ASXL2: variants seen among roughly 807,000 people sequenced by gnomAD.
The protein encoded by ASXL2 is putative Polycomb group protein ASXL2.
A neutral mutation model predicts 122.0 loss-of-function variants in ASXL2; 23 were observed. The observed-to-expected ratio is 0.19, with a 90% CI of 0.14 to 0.27. The LOEUF (loss-of-function observed/expected upper bound fraction) is 0.27. Among genes scored for constraint, ASXL2 ranks in the 10% least tolerant of loss-of-function variants. The pLI is 1.00. For missense variants in ASXL2, 1,518 were observed against 1,713.8 expected, an observed-to-expected ratio of 0.89 and a Z score of 2.02; for synonymous variants, 650 against 637.0, an observed-to-expected ratio of 1.02 and a Z score of -0.31.
At chr2:25,875,421 T>C (rs2090002168) in intron 1 of ASXL2, among the ~76,000 whole-genome samples, 1 of 152,036 alleles carries the variant, frequency 6.6e-6, no homozygotes, top group African/African-American at 2.4e-5. Context: ...TGCACCACGA[T>C]CATACCTGTG....
At chr2:25,833,020 A>AGG (rs886651267) in intron 3 of ASXL2, among the ~76,000 whole-genome samples, 2 of 152,168 alleles carry the variant, frequency 1.3e-5, no homozygotes, top group African/African-American at 4.8e-5. Flanking sequence ...AGTATAAGGA[A>AGG]GGGGGGCAAG....
intron 8 of ASXL2, among the ~76,000 whole-genome samples, chr2:25,763,941 A>C (rs1296363440): frequency 6.6e-6 from 1 of 152,228 alleles, no homozygotes; most frequent in Non-Finnish European, 1.5e-5. Flanking sequence ...TCATAACAAA[A>C]AGATAAACAA....
At chr2:25,870,465 A>G (rs1200242284) in intron 1 of ASXL2, among the ~76,000 whole-genome samples, 1 of 152,224 alleles carries the variant, frequency 6.6e-6, no homozygotes, top group Non-Finnish European at 1.5e-5. Flanking sequence ...CGGAGGTTGC[A>G]GTGAGCCAAG....
Position 25,864,346 on chromosome 2 carries a change from G to C in ASXL2, c.57+13820C>G, listed in dbSNP as rs939559356. The stretch of plus-strand genomic sequence containing the variant: ...TTTAAGATTATTCTAACAAAAACAG[G>C]GTGGTCAGATGGATTGGAGAGAGCT... On this transcript the variant is annotated intron_variant, in intron 1 of 12. Coordinates refer to ENST00000435504, the MANE Select transcript of ASXL2 (RefSeq NM_018263.6). 5.9e-5 allele frequency among the ~76,000 whole-genome samples: 9 copies of C among 152,094 alleles called. No individual in the cohort carries two copies. The East Asian group carries it at 1.7e-3, about 29-fold the overall frequency.
intron 2 of ASXL2, among the ~76,000 whole-genome samples, chr2:25,841,951 A>G (rs1165807943): frequency 1.1e-4 from 16 of 151,394 alleles, no homozygotes; most frequent in Non-Finnish European, 1.8e-4. Flanking sequence ...TGTCTCAAAA[A>G]AAAAAAAAAA....
intron 1 of ASXL2, among the ~76,000 whole-genome samples, chr2:25,854,069 AC>A: frequency 6.6e-6 from 1 of 152,308 alleles, no homozygotes; most frequent in East Asian, 1.9e-4. Context: ...AGAGAAGATT[AC>A]AGAAGCTGAC....
At position 25,742,244 on chromosome 2, in the gene ASXL2, T is replaced by C; in HGVS notation, c.4093A>G (p.Thr1365Ala). The C allele has an allele frequency of 6.2e-7, 1 of 1,613,982 alleles. No individual in the cohort carries two copies. ...GDVMSFSVTV[T>A]TIPASQAMNP... Reference sequence around the variant, plus strand: ...ATAGCTTGGCTAGCAGGGATGGTAGTGACAGTCACTGAAAATGACATGACA... The same window carrying C: ...ATAGCTTGGCTAGCAGGGATGGTAGCGACAGTCACTGAAAATGACATGACA... Residue 1365 changes from threonine to alanine, a missense_variant, in exon 13 of 13, where the codon ACT (threonine) becomes GCT (alanine). This residue lies in a region of ASXL2 where 831 missense variants were observed against 833.1 expected (regional missense o/e 1.00). Coordinates refer to ENST00000435504, the MANE Select transcript of ASXL2 (RefSeq NM_018263.6).
At chr2:25,808,224 C>T (rs1481008616) in intron 3 of ASXL2, among the ~76,000 whole-genome samples, 2 of 152,142 alleles carry the variant, frequency 1.3e-5, no homozygotes, top group East Asian at 3.8e-4. Context: ...AAGGAAAAAT[C>T]TGGAATTAGA....
intron 3 of ASXL2, among the ~76,000 whole-genome samples, chr2:25,832,042 A>G (rs1039669354): frequency 1.2e-4 from 18 of 152,262 alleles, no homozygotes; most frequent in African/African-American, 4.3e-4. Flanking sequence ...TAAGAGAAGT[A>G]GAACTATTCT....
chr2:25,800,696 G>T (rs1010556813), intron 4 of ASXL2, among the ~76,000 whole-genome samples: 4 of 152,068 alleles, frequency 2.6e-5, no homozygotes, highest in African/African-American at 9.7e-5. Context: ...TCTCCTAATT[G>T]TGCAGTTAAA....
chr2:25,800,915 G>C (rs933622901), intron 4 of ASXL2, among the ~76,000 whole-genome samples: 3 of 152,094 alleles, frequency 2.0e-5, no homozygotes, highest in Non-Finnish European at 4.4e-5. Flanking sequence ...AAACACACTA[G>C]TGAGTGTTTG....
chr2:25,877,902 G>C (rs992738211), intron 1 of ASXL2, among the ~76,000 whole-genome samples: 1 of 152,200 alleles, frequency 6.6e-6, no homozygotes, highest in Non-Finnish European at 1.5e-5. Flanking sequence ...GGTGATATCG[G>C]CTCGACCCCA....
At chr2:25,800,787 A>G (rs1470254933) in intron 4 of ASXL2, among the ~76,000 whole-genome samples, 1 of 152,242 alleles carries the variant, frequency 6.6e-6, no homozygotes, top group Non-Finnish European at 1.5e-5. Flanking sequence ...TTCTTCAATT[A>G]GCTCAAGTTA....
intron 5 of ASXL2, among the ~76,000 whole-genome samples, chr2:25,772,553 GA>G (rs1266042802): frequency 1.3e-5 from 2 of 151,924 alleles, no homozygotes; most frequent in East Asian, 3.9e-4. Context: ...CCAACATGGA[GA>G]AACCCTATCT....
At chr2:25,807,503 G>A (rs568821291) in intron 3 of ASXL2, among the ~76,000 whole-genome samples, 15 of 152,126 alleles carry the variant, frequency 9.9e-5, no homozygotes, top group Non-Finnish European at 1.9e-4. Flanking sequence ...CCATAGCTAC[G>A]TTTATCTGAT....
chr2:25,749,990 A>G lies in ASXL2; in HGVS notation c.1566T>C (p.Val522=). The part of the protein sequence containing the change: ...YNKSESQESL[V]TSPSKPKSPG... ...GACTCTTGGGTTTGCTTGGCGATGT[A>G]ACTAAAGATTCTTGGCTTTCACTTT... Residue 522 remains valine, a synonymous_variant, in exon 12 of 13, where the codon GTT becomes GTC. Coordinates refer to ENST00000435504, the MANE Select transcript of ASXL2 (RefSeq NM_018263.6). 6.2e-7 allele frequency: 1 copy of G among 1,613,984 alleles called. No homozygotes were observed. Among genetic ancestry groups the G allele is most frequent in the Non-Finnish European group, 8.5e-7 (1 of 1,179,890 alleles).
intron 1 of ASXL2, among the ~76,000 whole-genome samples, chr2:25,847,850 A>G (rs553095261): frequency 4.1e-4 from 63 of 152,354 alleles, no homozygotes; most frequent in African/African-American, 1.4e-3. Context: ...CCATAAATTG[A>G]TAATTATAGA....
chr2:25,799,274 A>G, intron 5 of ASXL2, 111 bp downstream of exon 5: 1 of 1,428,428 alleles, frequency 7.0e-7, no homozygotes. Context: ...ACTGTTATAG[A>G]GGGTAAGGGA....
At position 25,871,669 on chromosome 2, in the gene ASXL2, G is replaced by A. The variant is rs199809132; in HGVS notation, c.57+6497C>T. ...TGCAATGGCACGATCTCGGCTCACCGCAACCTCCGCCTCCCGGGTTCAAGT... is the reference window on the plus strand; with the variant it reads ...TGCAATGGCACGATCTCGGCTCACCACAACCTCCGCCTCCCGGGTTCAAGT... On this transcript the variant is annotated intron_variant, in intron 1 of 12. Coordinates refer to ENST00000435504, the MANE Select transcript of ASXL2 (RefSeq NM_018263.6). 1.3e-4 allele frequency among the ~76,000 whole-genome samples: 20 copies of A among 152,288 alleles called. No homozygotes were observed. The East Asian group carries it at 2.9e-3, about 22-fold the overall frequency.
Sources: gnomAD v4.1 joint callset for allele counts (sites outside exome capture counted in the v4.1 genomes callset) on GRCh38, gnomAD v4.1.1 for gene constraint, gnomAD v4.1.1 regional missense constraint, MANE v1.5 for transcripts, NCBI Gene and HGNC (gene_info 2026-07-23, HGNC 2026-07-21) for gene names.